RBFOX1: variants seen among roughly 807,000 people sequenced by gnomAD.
The protein encoded by RBFOX1 is RNA binding fox-1 homolog 1.
In RBFOX1, 8 loss-of-function variants were observed where a neutral mutation model predicts 57.7. The ratio of observed to expected loss-of-function variants is 0.14; its 90% confidence interval spans 0.08 to 0.25. RBFOX1 has a LOEUF of 0.25. Ranked by LOEUF, RBFOX1 falls within the 10% of genes least tolerant of loss-of-function variation. The pLI is 1.00. For synonymous variants in RBFOX1, 326 were observed against 222.4 expected (o/e 1.47, Z -4.15); for missense variants, 611 against 548.5 (o/e 1.11, Z -1.14).
At chr16:7,171,090 C>T (rs141903843) in intron 4 of RBFOX1, among the ~76,000 whole-genome samples, 3 of 152,192 alleles carry the variant, frequency 2.0e-5, no homozygotes, top group Non-Finnish European at 2.9e-5. Flanking sequence ...CCAGCTCCAT[C>T]CCAGCTTTCT....
intron 4 of RBFOX1, among the ~76,000 whole-genome samples, chr16:7,388,332 G>A (rs2097919155): frequency 6.6e-6 from 1 of 152,168 alleles, no homozygotes; most frequent in Non-Finnish European, 1.5e-5. Context: ...AAGTGGCAAT[G>A]AGATGCATGA....
At chr16:7,629,613 C>T (rs80091665) in intron 10 of RBFOX1, among the ~76,000 whole-genome samples, 9,224 of 152,222 alleles carry the variant, frequency 0.061, 877 homozygotes, top group African/African-American at 0.2. Flanking sequence ...GGAGTTTGAG[C>T]TTTGCAGCAG....
At chr16:5,342,588 G>A (rs1328738042) in intron 1 of RBFOX1, among the ~76,000 whole-genome samples, 3 of 152,130 alleles carry the variant, frequency 2.0e-5, no homozygotes, top group African/African-American at 7.2e-5. Flanking sequence ...CATGAAACAG[G>A]GAAAGGACTC....
intron 2 of RBFOX1, among the ~76,000 whole-genome samples, chr16:6,604,240 C>T (rs1300839224): frequency 6.6e-6 from 1 of 152,020 alleles, no homozygotes; most frequent in Non-Finnish European, 1.5e-5. Flanking sequence ...ATGATAGGTG[C>T]ACCATGTCTA....
chr16:5,925,535 T>G (rs1395282826), intron 4 of RBFOX1, among the ~76,000 whole-genome samples: 1 of 152,210 alleles, frequency 6.6e-6, no homozygotes, highest in East Asian at 1.9e-4. Context: ...GATTAGTGGT[T>G]GAACAGGAAC....
chr16:6,004,790 A>T (rs2060664393), intron 4 of RBFOX1, among the ~76,000 whole-genome samples: 1 of 152,138 alleles, frequency 6.6e-6, no homozygotes, highest in Non-Finnish European at 1.5e-5. Context: ...CTTTTTATTG[A>T]CATGCAGTGT....
At chr16:5,534,890 A>T (rs2044635658) in intron 2 of RBFOX1, among the ~76,000 whole-genome samples, 1 of 152,252 alleles carries the variant, frequency 6.6e-6, no homozygotes, top group African/African-American at 2.4e-5. Flanking sequence ...GATGCTACAG[A>T]TATGGGTCGC....
chr16:7,578,178 A>C (rs568900013), intron 5 of RBFOX1, among the ~76,000 whole-genome samples: 1 of 152,228 alleles, frequency 6.6e-6, no homozygotes, highest in Non-Finnish European at 1.5e-5. Context: ...AATACATACC[A>C]GGAACTTGGC....
At chr16:5,544,771 G>C (rs889401467) in intron 2 of RBFOX1, among the ~76,000 whole-genome samples, 2 of 151,996 alleles carry the variant, frequency 1.3e-5, no homozygotes, top group African/African-American at 2.4e-5. Flanking sequence ...ACAACTTTAT[G>C]CTCATAAATT....
intron 3 of RBFOX1, among the ~76,000 whole-genome samples, chr16:6,851,562 C>T (rs574781166): frequency 6.6e-6 from 1 of 152,182 alleles, no homozygotes; most frequent in African/African-American, 2.4e-5. Context: ...TTGTGTTCTC[C>T]TCTGCCAAAT....
At chr16:5,694,169 A>G (rs1361921419) in intron 3 of RBFOX1, among the ~76,000 whole-genome samples, 1 of 152,062 alleles carries the variant, frequency 6.6e-6, no homozygotes, top group East Asian at 1.9e-4. Context: ...GTGGCCGGGG[A>G]TTTTGCATTC....
chr16:7,659,942 T>A (rs1038412080), intron 12 of RBFOX1, among the ~76,000 whole-genome samples: 9 of 152,114 alleles, frequency 5.9e-5, no homozygotes, highest in African/African-American at 2.2e-4. Context: ...CACACCCAAA[T>A]TCTATACACA....
In RBFOX1 at chr16:7,064,076, T is replaced by G. The variant is rs578066528; in HGVS notation, c.27+11978T>G. 4.6e-5 allele frequency among the ~76,000 whole-genome samples: 7 copies of G among 152,156 alleles called. No individual in the cohort carries two copies. The South Asian group carries it at 1.5e-3, about 32-fold the overall frequency. On this transcript the variant is annotated intron_variant, in intron 4 of 15. Transcript: ENST00000550418. ...AGCCTCTAGTAACTCAGAATGTGAC[T>G]GTACTTGAAGCTAAGGTCTTTAAAA...
At chr16:6,817,940 G>A (rs903713711) in intron 3 of RBFOX1, among the ~76,000 whole-genome samples, 4 of 152,126 alleles carry the variant, frequency 2.6e-5, no homozygotes, top group South Asian at 2.1e-4. Context: ...GTGTCTCTCT[G>A]TTGGGCTTCA....
intron 3 of RBFOX1, among the ~76,000 whole-genome samples, chr16:6,856,581 G>T (rs778929743): frequency 2.0e-5 from 3 of 152,116 alleles, no homozygotes; most frequent in Admixed American, 6.5e-5. Flanking sequence ...GTGATATTCT[G>T]TCCCTTCAGG....
chr16:6,929,618 C>T (rs1216086151), intron 3 of RBFOX1, among the ~76,000 whole-genome samples: 1 of 152,104 alleles, frequency 6.6e-6, no homozygotes, highest in African/African-American at 2.4e-5. Flanking sequence ...AAAGTCCCAC[C>T]AAATTCAATT....
chr16:5,501,381 C>T (rs973733214), intron 2 of RBFOX1, among the ~76,000 whole-genome samples: 2 of 148,604 alleles, frequency 1.3e-5, no homozygotes, highest in Non-Finnish European at 3.0e-5. Context: ...CCCAGCCAAG[C>T]AGGCTCCCAC....
At chr16:6,784,401 ACT>A (rs753261973) in intron 3 of RBFOX1, among the ~76,000 whole-genome samples, 4 of 151,682 alleles carry the variant, frequency 2.6e-5, no homozygotes, top group Non-Finnish European at 4.4e-5. Flanking sequence ...CTGTTGAGAC[ACT>A]CTGATGCATT....
At chr16:7,168,006 A>G (rs1486674143) in intron 4 of RBFOX1, among the ~76,000 whole-genome samples, 2 of 152,210 alleles carry the variant, frequency 1.3e-5, no homozygotes, top group East Asian at 3.9e-4. Flanking sequence ...TTTTTTTTAA[A>G]CTTACATTTC....
Sources: gnomAD v4.1 joint callset for allele counts (sites outside exome capture counted in the v4.1 genomes callset) on GRCh38, gnomAD v4.1.1 for gene constraint, MANE v1.5 for transcripts, NCBI Gene and HGNC (gene_info 2026-07-23, HGNC 2026-07-21) for gene names.